CNTNAP5: variants seen among roughly 807,000 people sequenced by gnomAD.
The protein encoded by CNTNAP5 is contactin-associated protein-like 5.
A neutral mutation model predicts 150.2 loss-of-function variants in CNTNAP5; 72 were observed. The observed-to-expected ratio is 0.48, with a 90% confidence interval of 0.40 to 0.58. The LOEUF (loss-of-function observed/expected upper bound fraction) is 0.58, where lower values mean the gene tolerates loss of function less well. CNTNAP5 is among the 20% of genes least tolerant of loss of function. CNTNAP5 has a pLI of 0.00. For missense variants in CNTNAP5, 1,636 were observed against 1,626.2 expected (o/e 1.01, Z -0.10); for synonymous variants, 672 against 619.8 (o/e 1.08, Z -1.25).
chr2:124,462,154 G>A (rs1693271380), intron 6 of CNTNAP5, among the ~76,000 whole-genome samples: 1 of 151,978 alleles, frequency 6.6e-6, no homozygotes, highest in Admixed American at 6.6e-5. Flanking sequence ...CAAGAAAAAC[G>A]AACAGGATTT....
At chr2:124,088,675 T>C (rs539098775) in intron 1 of CNTNAP5, among the ~76,000 whole-genome samples, 8 of 152,276 alleles carry the variant, frequency 5.3e-5, no homozygotes, top group Non-Finnish European at 1.2e-4. Context: ...CAGTCTCCAT[T>C]GGTACCTGAC....
intron 10 of CNTNAP5, 85 bp from the exon 11 acceptor site, chr2:124,563,132 C>T: frequency 1.3e-6 from 1 of 767,692 alleles, no homozygotes; most frequent in Non-Finnish European, 2.2e-6. Context: ...TTAATTGAGG[C>T]AGTTGGATAT....
intron 3 of CNTNAP5, among the ~76,000 whole-genome samples, chr2:124,416,864 G>C (rs1317941717): frequency 1.3e-5 from 2 of 150,276 alleles, no homozygotes; most frequent in African/African-American, 4.9e-5. Context: ...TGTTACCTTT[G>C]TAAAGCTTTT....
At chr2:124,748,503 T>C (rs1680655403) in intron 14 of CNTNAP5, among the ~76,000 whole-genome samples, 1 of 152,208 alleles carries the variant, frequency 6.6e-6, no homozygotes, top group Non-Finnish European at 1.5e-5. Context: ...TTGACTGAAT[T>C]TAAAGCATTC....
At chr2:124,196,021 T>C (rs1316270125) in intron 1 of CNTNAP5, among the ~76,000 whole-genome samples, 2 of 152,308 alleles carry the variant, frequency 1.3e-5, no homozygotes, top group East Asian at 1.9e-4. Context: ...TGGACTCATT[T>C]TGAGTGCCCC....
chr2:124,486,817 T>C (rs1043629386), intron 7 of CNTNAP5, among the ~76,000 whole-genome samples: 2 of 152,226 alleles, frequency 1.3e-5, no homozygotes, highest in African/African-American at 4.8e-5. Context: ...CTACTTTTAT[T>C]ATAGGCCCAT....
At chr2:124,529,098 A>T (rs1487330046) in intron 10 of CNTNAP5, among the ~76,000 whole-genome samples, 1 of 151,006 alleles carries the variant, frequency 6.6e-6, no homozygotes. Flanking sequence ...AAAAAGTAGT[A>T]ATAAAATATG....
intron 19 of CNTNAP5, among the ~76,000 whole-genome samples, chr2:124,846,617 G>T (rs181891544): frequency 6.6e-6 from 1 of 152,266 alleles, no homozygotes; most frequent in Admixed American, 6.5e-5. Context: ...TGGTGAGCTG[G>T]TATGATCTTT....
chr2:124,622,732 C>T (rs1233980559), intron 12 of CNTNAP5, among the ~76,000 whole-genome samples: 2 of 152,176 alleles, frequency 1.3e-5, no homozygotes, highest in Non-Finnish European at 2.9e-5. Context: ...CACACACACA[C>T]TCACACATGC....
intron 11 of CNTNAP5, among the ~76,000 whole-genome samples, chr2:124,576,138 A>ATATATCTATATCTATATC (rs60325451): frequency 5.6e-4 from 84 of 151,040 alleles, no homozygotes; most frequent in African/African-American, 1.9e-3. Flanking sequence ...GGATGGCTGT[A>ATATATCTATATCTATATC]TATATCTATA....
intron 19 of CNTNAP5, among the ~76,000 whole-genome samples, chr2:124,845,190 G>C (rs1205771638): frequency 6.6e-6 from 1 of 151,952 alleles, no homozygotes; most frequent in Non-Finnish European, 1.5e-5. Context: ...ATCATAAAGT[G>C]ATACTGGTTT....
At chr2:124,052,698 GA>G (rs1681731290) in intron 1 of CNTNAP5, among the ~76,000 whole-genome samples, 1 of 152,114 alleles carries the variant, frequency 6.6e-6, no homozygotes, top group African/African-American at 2.4e-5. Flanking sequence ...ATATAAAATG[GA>G]TACCTGTGCG....
chr2:124,616,295 A>G (rs1301189853), intron 12 of CNTNAP5, among the ~76,000 whole-genome samples: 1 of 152,202 alleles, frequency 6.6e-6, no homozygotes, highest in Non-Finnish European at 1.5e-5. Flanking sequence ...AACTTACATC[A>G]GCACTTGCTG....
intron 1 of CNTNAP5, among the ~76,000 whole-genome samples, chr2:124,213,953 A>G (rs1350605331): frequency 2.0e-5 from 3 of 152,204 alleles, no homozygotes; most frequent in African/African-American, 4.8e-5. Flanking sequence ...ATTGTCAAAT[A>G]GAGAGAGGTC....
At chr2:124,896,414 TTGA>T (rs1678305760) in intron 21 of CNTNAP5, among the ~76,000 whole-genome samples, 1 of 151,578 alleles carries the variant, frequency 6.6e-6, no homozygotes, top group African/African-American at 2.4e-5. Context: ...TGTGTTCTGG[TTGA>T]TGTGAATGAA....
chr2:124,412,953 A>T (rs562159720), intron 3 of CNTNAP5, among the ~76,000 whole-genome samples: 5 of 88,812 alleles, frequency 5.6e-5, no homozygotes, highest in African/African-American at 2.3e-4. Flanking sequence ...AACCTAAAAA[A>T]TGGGAGAAAA....
At chr2:124,606,541 A>G (rs1310861158) in intron 11 of CNTNAP5, among the ~76,000 whole-genome samples, 1 of 152,184 alleles carries the variant, frequency 6.6e-6, no homozygotes. Flanking sequence ...AAAATCAGGT[A>G]TACAAAAACT....
At chr2:124,560,409 C>T (rs1046888314) in intron 10 of CNTNAP5, among the ~76,000 whole-genome samples, 64 of 151,190 alleles carry the variant, frequency 4.2e-4, no homozygotes, top group Non-Finnish European at 8.8e-4. Context: ...ATCCCAGCTA[C>T]TCGGGAGGCT....
intron 19 of CNTNAP5, among the ~76,000 whole-genome samples, chr2:124,857,976 T>C (rs1458070983): frequency 6.6e-6 from 1 of 152,202 alleles, no homozygotes; most frequent in African/African-American, 2.4e-5. Flanking sequence ...CCAGAGAAAT[T>C]ATTTTTTAGA....
Sources: gnomAD v4.1 joint callset for allele counts (sites outside exome capture counted in the v4.1 genomes callset) on GRCh38, gnomAD v4.1.1 for gene constraint, MANE v1.5 for transcripts, NCBI Gene and HGNC (gene_info 2026-07-23, HGNC 2026-07-21) for gene names.